Variants in CRYBG1 observed in about 807,000 individuals in gnomAD.
CRYBG1 encodes the protein crystallin beta-gamma domain containing 1.
A neutral mutation model predicts 189.2 loss-of-function variants in CRYBG1; 139 were observed. The observed-to-expected ratio is 0.73, with a 90% CI of 0.64 to 0.85. The LOEUF (loss-of-function observed/expected upper bound fraction) is 0.85, where lower values mean the gene tolerates loss of function less well. Ranked by LOEUF, CRYBG1 falls within the 40% of genes least tolerant of loss-of-function variation. The pLI is 0.00. For synonymous variants in CRYBG1, 1,023 were observed against 1,017.1 expected, an observed-to-expected ratio of 1.01 and a Z score of -0.11; for missense variants, 2,611 against 2,675.8, an observed-to-expected ratio of 0.98 and a Z score of 0.53.
chr6:106,462,133 T>C (rs1408080314), intron 2 of CRYBG1, among the ~76,000 whole-genome samples: 11 of 151,788 alleles, frequency 7.2e-5, no homozygotes, highest in Admixed American at 5.3e-4. Context: ...TTCTTTTTTT[T>C]CTGAAGTTTT....
chr6:106,551,843 G>T lies in CRYBG1; in HGVS notation c.5313-9G>T. ...TGAACTCCAACAAGTGATTGCTTTT[G>T]TTTCTTAGATGGGTAGCCTATGAAA... On this transcript the variant is annotated splice_polypyrimidine_tract_variant and intron_variant, in intron 13 of 21. Coordinates refer to ENST00000633556, the MANE Select transcript of CRYBG1 (RefSeq NM_001371242.2). 1 of 1,610,898 alleles carries T rather than the reference G, an allele frequency of 6.2e-7. No homozygotes were observed.
rs944109841 is a variant in CRYBG1 at position 106,481,216 on chromosome 6, C to T, written c.312+29384C>T. 2.1e-3 allele frequency among the ~76,000 whole-genome samples: 126 copies of T among 59,972 alleles called. 40 individuals are homozygous for T. Among genetic ancestry groups the T allele is most frequent in the African/African-American group, 0.01 (119 of 11,394 alleles). The allele number at this position is 59,972 out of a possible 152,430, so 39.3% of individuals were successfully genotyped here. A position where few individuals can be genotyped will look rare whatever the true frequency, so the allele number is the denominator to read the frequency against. On this transcript the variant is annotated intron_variant, in intron 2 of 21. Coordinates refer to ENST00000633556, the MANE Select transcript of CRYBG1 (RefSeq NM_001371242.2). ...GTCTCGATCTCTTGACCTCGTGATC[C>T]GCCCGCCTCGGCCTCCCAAAGTGCT...
intron 2 of CRYBG1, among the ~76,000 whole-genome samples, chr6:106,488,092 C>T (rs1307737098): frequency 5.3e-5 from 8 of 152,250 alleles, no homozygotes; most frequent in African/African-American, 1.9e-4. Context: ...CCTGCAATGC[C>T]TGTGATTAGC....
chr6:106,416,901 T>C (rs529006225), intron 1 of CRYBG1, among the ~76,000 whole-genome samples: 1 of 152,032 alleles, frequency 6.6e-6, no homozygotes, highest in South Asian at 2.1e-4. Context: ...TGTGACATTA[T>C]GGGGATTTTA....
intron 1 of CRYBG1, among the ~76,000 whole-genome samples, chr6:106,398,452 AAT>A: frequency 6.6e-6 from 1 of 152,128 alleles, no homozygotes; most frequent in South Asian, 2.1e-4. Context: ...TCAAAAAATA[AAT>A]AAATAAATAA....
At chr6:106,461,233 C>A (rs1216059559) in intron 2 of CRYBG1, among the ~76,000 whole-genome samples, 1 of 143,382 alleles carries the variant, frequency 7.0e-6, no homozygotes, top group Admixed American at 7.0e-5. Flanking sequence ...AGGTGACTTT[C>A]CTCCAGGAAT....
At chr6:106,542,191 A>G (rs1278712154) in intron 10 of CRYBG1, among the ~76,000 whole-genome samples, 1 of 149,312 alleles carries the variant, frequency 6.7e-6, no homozygotes, top group Non-Finnish European at 1.5e-5. Context: ...AACTGTTTGG[A>G]ACCATGGCTT....
At position 106,521,363 on chromosome 6, in the gene CRYBG1, A is replaced by G. The variant is rs771571468; in HGVS notation, c.4155A>G (p.Ala1385=). 15 of 1,613,974 alleles carry G rather than the reference A, an allele frequency of 9.3e-6. 1 individual carries two copies. The Middle Eastern group carries it at 6.6e-4, about 71-fold the overall frequency. ...TTAAATCAAACTTGCCAAACTGTGCAAACAGTGACACCGACTTCATGGGTC... is the reference window on the plus strand; with the variant it reads ...TTAAATCAAACTTGCCAAACTGTGCGAACAGTGACACCGACTTCATGGGTC... ...SVIKSNLPNC[A]NSDTDFMGLF... is the part of the protein sequence containing the mutation. The change falls in exon 4 of 22, where the codon GCA becomes GCG. Residue 1385 remains alanine, a synonymous_variant. Coordinates refer to ENST00000633556, the MANE Select transcript of CRYBG1 (RefSeq NM_001371242.2).
At chr6:106,408,475 C>T (rs1770864825) in intron 1 of CRYBG1, among the ~76,000 whole-genome samples, 2 of 152,232 alleles carry the variant, frequency 1.3e-5, no homozygotes. Flanking sequence ...CCTTCTGAAA[C>T]TATTCCAATC....
chr6:106,376,080 G>A (rs1051575559), intron 1 of CRYBG1, among the ~76,000 whole-genome samples: 8 of 152,276 alleles, frequency 5.3e-5, no homozygotes, highest in Admixed American at 3.3e-4. Context: ...CCATGCATAA[G>A]GGAGGACTGC....
chr6:106,475,916 T>G (rs1027795453), intron 2 of CRYBG1, among the ~76,000 whole-genome samples: 2 of 152,194 alleles, frequency 1.3e-5, no homozygotes, highest in African/African-American at 4.8e-5. Context: ...CGTCTAGTGG[T>G]TTTCAGAGAT....
At position 106,561,465 on chromosome 6, in the gene CRYBG1, A is replaced by G. The variant is rs762582125; in HGVS notation, c.6103A>G (p.Ile2035Val). 6.2e-7 allele frequency: 1 copy of G among 1,614,090 alleles called. No homozygotes were observed. Among genetic ancestry groups the G allele is most frequent in the Non-Finnish European group, 8.5e-7 (1 of 1,179,954 alleles). ...VMEDVGADDQ[I>V]WIYQEGCIKC... ...GGAGGATGTCGGGGCCGATGATCAG[A>G]TTTGGATCTATCAAGAAGGATGTAT... The change falls in exon 20 of 22, where the codon ATT (isoleucine) becomes GTT (valine). Residue 2035 changes from isoleucine (I) to valine (V), a missense_variant. Transcript: ENST00000633556.
At chr6:106,467,428 G>A (rs1772136827) in intron 2 of CRYBG1, among the ~76,000 whole-genome samples, 1 of 151,862 alleles carries the variant, frequency 6.6e-6, no homozygotes, top group Admixed American at 6.6e-5. Context: ...GCCCTGATCA[G>A]GCCATTGCAC....
chr6:106,452,855 C>T (rs1018764826), intron 2 of CRYBG1, among the ~76,000 whole-genome samples: 3 of 152,184 alleles, frequency 2.0e-5, no homozygotes, highest in Admixed American at 1.3e-4. Flanking sequence ...TATCTTTAGT[C>T]ACAGGGTGAG....
At chr6:106,441,470 A>C (rs1771566031) in intron 1 of CRYBG1, among the ~76,000 whole-genome samples, 1 of 152,128 alleles carries the variant, frequency 6.6e-6, no homozygotes, top group Non-Finnish European at 1.5e-5. Flanking sequence ...CAGCCATTCT[A>C]TTGTCTTCAG....
chr6:106,369,192 C>G (rs1769964416), intron 1 of CRYBG1, among the ~76,000 whole-genome samples: 1 of 152,188 alleles, frequency 6.6e-6, no homozygotes, highest in Admixed American at 6.5e-5. Flanking sequence ...TGCAGTGTCC[C>G]CGACCTCTCT....
intron 1 of CRYBG1, among the ~76,000 whole-genome samples, chr6:106,377,125 T>G (rs1477865573): frequency 6.6e-6 from 1 of 152,188 alleles, no homozygotes; most frequent in Non-Finnish European, 1.5e-5. Flanking sequence ...TTGTTTCATT[T>G]CCCTTTTCAA....
Position 106,541,644 on chromosome 6 carries a change from G to T in CRYBG1, c.4881+23G>T, listed in dbSNP as rs548276023. 2.7e-5 allele frequency: 40 copies of T among 1,484,812 alleles called. No individual in the cohort carries two copies. The East Asian group carries it at 9.3e-4, about 35-fold the overall frequency. The allele number at this position is 1,484,812 out of a possible 1,614,324, so 92.0% of individuals were successfully genotyped here. On this transcript the variant is annotated intron_variant, in intron 10 of 21. Coordinates refer to ENST00000633556, the MANE Select transcript of CRYBG1 (RefSeq NM_001371242.2). The stretch of plus-strand genomic sequence containing the variant: ...AAGGTAAAAATATATATGTATTTTT[G>T]TATGTATGTATATGTAATTATTTAA...
intron 1 of CRYBG1, among the ~76,000 whole-genome samples, chr6:106,419,796 A>G (rs889145235): frequency 6.6e-6 from 1 of 152,246 alleles, no homozygotes; most frequent in Admixed American, 6.5e-5. Context: ...ACTCTGACTT[A>G]TAATCAAGAA....
Sources: gnomAD v4.1 joint callset for allele counts (sites outside exome capture counted in the v4.1 genomes callset) on GRCh38, gnomAD v4.1.1 for gene constraint, MANE v1.5 for transcripts, NCBI Gene and HGNC (gene_info 2026-07-23, HGNC 2026-07-21) for gene names.